The following TBXAS1 variants were observed in gnomAD, a reference collection of about 807,000 sequenced individuals.
TBXAS1 encodes thromboxane-A synthase.
TBXAS1 carries 48 observed loss-of-function variants against 60.7 expected under a neutral mutation model. That is an observed-to-expected ratio of 0.79 (90% CI 0.63 to 1.01). The LOEUF (loss-of-function observed/expected upper bound fraction) is 1.01. Ranked by LOEUF, TBXAS1 falls within the 50% of genes least tolerant of loss-of-function variation. The pLI is 0.00. For synonymous variants in TBXAS1, 287 were observed against 269.7 expected, an observed-to-expected ratio of 1.06 and a Z score of -0.63; for missense variants, 685 against 686.3, an observed-to-expected ratio of 1.00 and a Z score of 0.02.
In TBXAS1 at chr7:139,821,000, T is replaced by C. The variant is rs1293407722; in HGVS notation, c.-79-8312T>C. Among the ~76,000 whole-genome samples, 7 of 152,206 alleles carry C rather than the reference T, an allele frequency of 4.6e-5. No homozygotes were observed. The South Asian group carries it at 1.4e-3, about 31-fold the overall frequency. ...GCCTAGAACAGTCTCCCATGCCCAGTAGATGCCAAGGCATTTGTTGAATCA... is the reference window on the plus strand; with the variant it reads ...GCCTAGAACAGTCTCCCATGCCCAGCAGATGCCAAGGCATTTGTTGAATCA... On this transcript the variant is annotated intron_variant, in intron 4 of 16. Transcript: ENST00000336425.
intron 1 of TBXAS1, among the ~76,000 whole-genome samples, chr7:139,868,853 A>T (rs992927763): frequency 6.6e-6 from 1 of 151,142 alleles, no homozygotes; most frequent in African/African-American, 2.4e-5. Flanking sequence ...AGGTTTTGCC[A>T]TGTTGGCCAG....
At chr7:139,824,318 T>G (rs550108288), upstream of TBXAS1, among the ~76,000 whole-genome samples, 3 of 152,274 alleles carry the variant, frequency 2.0e-5, no homozygotes, top group South Asian at 6.2e-4. Flanking sequence ...AGACGGAAAG[T>G]CGGTCCTGCC....
At chr7:139,943,940 T>C (rs946179503) in intron 5 of TBXAS1, among the ~76,000 whole-genome samples, 2 of 152,124 alleles carry the variant, frequency 1.3e-5, no homozygotes, top group South Asian at 4.1e-4. Flanking sequence ...CCCTTACTTA[T>C]TCAGAAAACC....
chr7:139,933,024 T>C (rs1049878971), intron 4 of TBXAS1, among the ~76,000 whole-genome samples: 5 of 152,158 alleles, frequency 3.3e-5, no homozygotes, highest in Non-Finnish European at 7.3e-5. Context: ...ACCAATGCAC[T>C]ACCGCCTGGG....
chr7:139,955,209 C>A (rs1809743140), intron 6 of TBXAS1, among the ~76,000 whole-genome samples: 1 of 152,176 alleles, frequency 6.6e-6, no homozygotes, highest in South Asian at 2.1e-4. Flanking sequence ...CTCCTCTCCT[C>A]CCAGGTCTTT....
intron 3 of TBXAS1, among the ~76,000 whole-genome samples, chr7:139,883,022 G>A (rs981657488): frequency 1.2e-4 from 19 of 152,188 alleles, no homozygotes; most frequent in Admixed American, 1.0e-3. Flanking sequence ...CTCTAAAAGT[G>A]AATGCCCTGA....
chr7:140,002,651 T>C (rs143202091), intron 9 of TBXAS1, among the ~76,000 whole-genome samples: 2 of 152,150 alleles, frequency 1.3e-5, no homozygotes, highest in Non-Finnish European at 2.9e-5. Context: ...CGTTCATTCC[T>C]CAGGTGTGGA....
intron 4 of TBXAS1, among the ~76,000 whole-genome samples, chr7:139,814,998 G>T (rs1377538519): frequency 6.6e-6 from 1 of 152,162 alleles, no homozygotes; most frequent in Non-Finnish European, 1.5e-5. Context: ...TTCCTAAAGG[G>T]GTGGTGGCAT....
At chr7:139,828,543 C>G (rs895718310), upstream of TBXAS1, among the ~76,000 whole-genome samples, 1 of 152,164 alleles carries the variant, frequency 6.6e-6, no homozygotes, top group African/African-American at 2.4e-5. Flanking sequence ...TGCAGTTGAT[C>G]TGGAGCTAAA....
In TBXAS1 at chr7:139,778,721, C is replaced by T. The variant is rs1318346867; in HGVS notation, c.-318+250C>T. Among the ~76,000 whole-genome samples the T allele has an allele frequency of 6.6e-6, 1 of 152,174 alleles. No individual in the cohort carries two copies. The highest frequency in any genetic ancestry group is 6.5e-5 in the Admixed American group (1 of 15,288). ...CGCCACTCCATCACTTGAATGGGAGCTCACAACTCTCTGGGTCCTCGCTTT... is the reference window on the plus strand; with the variant it reads ...CGCCACTCCATCACTTGAATGGGAGTTCACAACTCTCTGGGTCCTCGCTTT... On this transcript the variant is annotated intron_variant, in intron 1 of 16. Coordinates refer to the TBXAS1 transcript ENST00000336425. This position sits in a 1 kb window ranked among gnomAD's most constrained non-coding sequence, Gnocchi z 4.8.
At chr7:139,808,656 T>G (rs1013820111) in intron 4 of TBXAS1, among the ~76,000 whole-genome samples, 4 of 152,158 alleles carry the variant, frequency 2.6e-5, no homozygotes, top group Non-Finnish European at 4.4e-5. Flanking sequence ...GGTCAATACT[T>G]ATCCTTCCCT....
chr7:139,816,616 G>C (rs147924093), intron 4 of TBXAS1, among the ~76,000 whole-genome samples: 1 of 152,234 alleles, frequency 6.6e-6, no homozygotes, highest in East Asian at 1.9e-4. Context: ...CTGGGAAATT[G>C]GAAGAAATGC....
chr7:139,967,513 A>C (rs1280936562), intron 9 of TBXAS1, among the ~76,000 whole-genome samples: 1 of 152,336 alleles, frequency 6.6e-6, no homozygotes. Flanking sequence ...GGGAAGAAGC[A>C]AGAGTCTCTT....
chr7:139,809,233 T>TAGATAGATAGATAGATGATA (rs1554466810), intron 4 of TBXAS1, among the ~76,000 whole-genome samples: 117 of 131,064 alleles, frequency 8.9e-4, no homozygotes, highest in African/African-American at 2.4e-3. Context: ...GATAGATAGA[T>TAGATAGATAGATAGATGATA]GATAGATAGA....
At chr7:139,939,307 T>C (rs1237572878) in intron 5 of TBXAS1, among the ~76,000 whole-genome samples, 1 of 126,308 alleles carries the variant, frequency 7.9e-6, no homozygotes, top group South Asian at 2.4e-4. Flanking sequence ...GAGGTTGCAG[T>C]AAGCCAAGAT....
At chr7:140,015,937 C>A (rs571775433) in intron 11 of TBXAS1, 77 bp downstream of exon 11, 1 of 1,601,340 alleles carries the variant, frequency 6.2e-7, no homozygotes, top group Non-Finnish European at 8.5e-7. Context: ...GAGGCAGCAG[C>A]CGGGAGGCAC....
At chr7:140,015,629 C>A in intron 10 of TBXAS1, 94 bp from the exon 11 acceptor site, 2 of 1,411,868 alleles carry the variant, frequency 1.4e-6, no homozygotes, top group Non-Finnish European at 2.0e-6. Context: ...TGCCCCTGAT[C>A]CCCTTCACAC....
At chr7:139,945,577 C>A (rs1236724408) in intron 5 of TBXAS1, among the ~76,000 whole-genome samples, 7 of 152,196 alleles carry the variant, frequency 4.6e-5, no homozygotes, top group Admixed American at 3.9e-4. Flanking sequence ...GTGTGCTATG[C>A]TCATTCTTGA....
chr7:139,955,311 C>G (rs902137085), intron 6 of TBXAS1, 148 bp from the exon 7 acceptor site: 3 of 1,057,336 alleles, frequency 2.8e-6, no homozygotes, highest in Middle Eastern at 2.8e-4. Context: ...CCACCTCCCC[C>G]CAGATCTGCA....
Sources: gnomAD v4.1 joint callset for allele counts (sites outside exome capture counted in the v4.1 genomes callset) on GRCh38, gnomAD v4.1.1 for gene constraint, Gnocchi (gnomAD v3.1) non-coding constraint, MANE v1.5 for transcripts, NCBI Gene and HGNC (gene_info 2026-07-23, HGNC 2026-07-21) for gene names.